The following CA10 variants were observed in gnomAD, a reference collection of about 807,000 sequenced individuals.
CA10 encodes the protein carbonic anhydrase 10 (inactive).
Under a neutral mutation model 44.2 loss-of-function variants are expected in CA10, and 14 were observed. The ratio of observed to expected loss-of-function variants is 0.32; its 90% CI spans 0.21 to 0.50. The LOEUF is 0.50. Ranked by LOEUF, CA10 falls within the 20% of genes least tolerant of loss-of-function variation. The pLI, the probability that CA10 is intolerant of heterozygous loss-of-function variation, is 0.99. For synonymous variants in CA10, 159 were observed against 141.6 expected (o/e 1.12, Z -0.87); for missense variants, 350 against 409.7 (o/e 0.85, Z 1.26).
chr17:52,124,369 C>A (rs1989074644), intron 1 of CA10, among the ~76,000 whole-genome samples: 1 of 152,144 alleles, frequency 6.6e-6, no homozygotes, highest in South Asian at 2.1e-4. Flanking sequence ...CCTCAGATTT[C>A]AGTAAGTGAT....
chr17:51,945,803 C>G (rs1983251279), intron 2 of CA10, among the ~76,000 whole-genome samples: 1 of 152,146 alleles, frequency 6.6e-6, no homozygotes, highest in South Asian at 2.1e-4. Flanking sequence ...CAGTCTAGCT[C>G]TCCTGCTCCC....
At chr17:51,650,564 T>C (rs1411810964) in intron 5 of CA10, among the ~76,000 whole-genome samples, 1 of 152,078 alleles carries the variant, frequency 6.6e-6, no homozygotes, top group African/African-American at 2.4e-5. Flanking sequence ...CATCCCTAAA[T>C]AGAAAAAGTC....
chr17:51,860,853 A>G (rs1000767246), intron 3 of CA10, among the ~76,000 whole-genome samples: 20 of 152,126 alleles, frequency 1.3e-4, no homozygotes, highest in Non-Finnish European at 2.5e-4. Context: ...AGATTTGGGG[A>G]AGCAAACAAA....
chr17:52,142,959 T>C (rs368410197), intron 1 of CA10, among the ~76,000 whole-genome samples: 107 of 152,344 alleles, frequency 7.0e-4, no homozygotes, highest in African/African-American at 2.5e-3. Flanking sequence ...TTTCTGCATT[T>C]TAATAGTTAA....
At chr17:51,732,464 T>G (rs1916752768) in intron 4 of CA10, among the ~76,000 whole-genome samples, 1 of 152,222 alleles carries the variant, frequency 6.6e-6, no homozygotes, top group Non-Finnish European at 1.5e-5. Flanking sequence ...TCCATCCCCC[T>G]AATTTGAGTC....
intron 2 of CA10, among the ~76,000 whole-genome samples, chr17:52,044,774 A>AAACTTG (rs1296924850): frequency 6.6e-6 from 1 of 151,526 alleles, no homozygotes; most frequent in African/African-American, 2.4e-5. Flanking sequence ...AGAAACTATT[A>AAACTTG]AAGTGCAAAG....
At chr17:52,107,107 A>AC (rs1317828622) in intron 1 of CA10, among the ~76,000 whole-genome samples, 2 of 152,136 alleles carry the variant, frequency 1.3e-5, no homozygotes, top group Non-Finnish European at 2.9e-5. Context: ...ACATGGGCCT[A>AC]CCCTCTCATC....
At chr17:51,844,112 C>T (rs913148114) in intron 3 of CA10, among the ~76,000 whole-genome samples, 11 of 152,148 alleles carry the variant, frequency 7.2e-5, no homozygotes, top group East Asian at 1.9e-4. Context: ...TGGAATCACA[C>T]GCAGAATTAT....
At chr17:51,962,636 C>T (rs1445709441) in intron 2 of CA10, among the ~76,000 whole-genome samples, 1 of 152,106 alleles carries the variant, frequency 6.6e-6, no homozygotes, top group Non-Finnish European at 1.5e-5. Flanking sequence ...AGAGGAAGTG[C>T]ATATGGCTAT....
chr17:51,930,059 GA>G (rs1398100462), intron 3 of CA10, among the ~76,000 whole-genome samples: 1 of 152,066 alleles, frequency 6.6e-6, no homozygotes, highest in Non-Finnish European at 1.5e-5. Context: ...ATCAGAAGGG[GA>G]AAAAGTTAAC....
chr17:51,652,651 A>G (rs1254001666), intron 5 of CA10, among the ~76,000 whole-genome samples: 1 of 152,230 alleles, frequency 6.6e-6, no homozygotes, highest in East Asian at 1.9e-4. Flanking sequence ...TGAAGTGCCT[A>G]TGGCACGGGG....
At chr17:51,874,247 G>A (rs1979947961) in intron 3 of CA10, among the ~76,000 whole-genome samples, 1 of 152,082 alleles carries the variant, frequency 6.6e-6, no homozygotes, top group African/African-American at 2.4e-5. Context: ...GGACTATGTG[G>A]TATATTTTCC....
At chr17:51,692,352 A>C in intron 4 of CA10, among the ~76,000 whole-genome samples, 1 of 148,100 alleles carries the variant, frequency 6.8e-6, no homozygotes, top group Admixed American at 6.8e-5. Context: ...CTACCTACCT[A>C]TCTACCTATC....
At chr17:52,003,268 C>T (rs1185146578) in intron 2 of CA10, among the ~76,000 whole-genome samples, 1 of 151,928 alleles carries the variant, frequency 6.6e-6, no homozygotes, top group Non-Finnish European at 1.5e-5. Flanking sequence ...TCTTCCCTCA[C>T]CCCTTTTTCA....
intron 1 of CA10, among the ~76,000 whole-genome samples, chr17:52,097,390 A>G (rs938116909): frequency 3.3e-5 from 5 of 152,136 alleles, no homozygotes; most frequent in African/African-American, 1.2e-4. Context: ...TTGTTTATAT[A>G]TTTTGTACAT....
intron 4 of CA10, among the ~76,000 whole-genome samples, chr17:51,684,220 G>A (rs80134761): frequency 0.022 from 3,384 of 152,284 alleles, 147 homozygotes; most frequent in African/African-American, 0.078. Context: ...GGCCATTGCT[G>A]GCTTTGAAGA....
chr17:52,139,548 C>A (rs893497893), intron 1 of CA10, among the ~76,000 whole-genome samples: 2 of 151,522 alleles, frequency 1.3e-5, no homozygotes, highest in African/African-American at 4.9e-5. Flanking sequence ...CTAACTCTAG[C>A]AGTTAGTAGC....
chr17:51,706,175 G>A (rs1295359595), intron 4 of CA10, among the ~76,000 whole-genome samples: 3 of 152,174 alleles, frequency 2.0e-5, no homozygotes. Context: ...AAGAAACGGA[G>A]GATGTAAGCT....
chr17:51,696,244 A>G (rs779219214), intron 4 of CA10, among the ~76,000 whole-genome samples: 53 of 152,240 alleles, frequency 3.5e-4, no homozygotes, highest in Admixed American at 2.5e-3. Context: ...TAGAGTTGGT[A>G]CCAGCTATCC....
Sources: gnomAD v4.1 joint callset for allele counts (sites outside exome capture counted in the v4.1 genomes callset) on GRCh38, gnomAD v4.1.1 for gene constraint, MANE v1.5 for transcripts, NCBI Gene and HGNC (gene_info 2026-07-23, HGNC 2026-07-21) for gene names.